Variants in ZNF541 observed in about 807,000 individuals in gnomAD.
The protein encoded by ZNF541 is zinc finger protein 541.
ZNF541 carries 23 observed loss-of-function variants against 123.5 expected under a neutral mutation model. The observed-to-expected ratio is 0.19, with a 90% confidence interval of 0.13 to 0.26. The LOEUF is 0.26. ZNF541 is among the 10% of genes least tolerant of loss of function. The pLI, the probability that ZNF541 is intolerant of heterozygous loss-of-function variation, is 1.00. For synonymous variants in ZNF541, 751 were observed against 754.5 expected, an observed-to-expected ratio of 1.00 and a Z score of 0.08; for missense variants, 1,612 against 1,789.9, an observed-to-expected ratio of 0.90 and a Z score of 1.79.
rs116235447 is a variant in ZNF541 at position 47,531,998 on chromosome 19, G to A, written c.3301+130C>T. On this transcript the variant is annotated intron_variant, in intron 11 of 16. Transcript: ENST00000391901. ...AAGAAGCAACGCTGGCCAAGAGCCA[G>A]CTCCCTCCCACGCCCAGGGGACACT... 953 of 1,280,280 alleles carry A rather than the reference G, an allele frequency of 7.4e-4. 3 individuals are homozygous for A. The African/African-American group carries it at 0.012, about 16-fold the overall frequency. 79.3% of individuals were successfully genotyped at this position (1,280,280 alleles called of 1,614,324 possible).
Position 47,555,964 on chromosome 19 carries a change from A to T in ZNF541, c.-98-10T>A, listed in dbSNP as rs1970805966. The stretch of plus-strand genomic sequence containing the variant: ...TGATGGCAACTAATTCCTGAAAATG[A>T]AGCAAGAAGAATGAAAGTTATTAGG... On this transcript the variant is annotated splice_polypyrimidine_tract_variant and intron_variant, in intron 2 of 16. Transcript: ENST00000391901. 2.6e-6 allele frequency: 3 copies of T among 1,165,992 alleles called. No individual in the cohort carries two copies. Among genetic ancestry groups the T allele is most frequent in the African/African-American group, 3.1e-5 (2 of 64,106 alleles). The allele number at this position is 1,165,992 out of a possible 1,614,324, so 72.2% of individuals were successfully genotyped here.
rs1233862216 is a variant in ZNF541, at chr19:47,544,868, T to C, written c.1661A>G (p.Gln554Arg). 5.2e-6 allele frequency: 8 copies of C among 1,536,180 alleles called. No homozygotes were observed. Among genetic ancestry groups the C allele is most frequent in the Non-Finnish European group, 7.0e-6 (8 of 1,146,784 alleles). Reference protein sequence around the residue: ...KSQEPLVSHEQMQVFQMITKS... With the variant: ...KSQEPLVSHERMQVFQMITKS... ...GGTGATCATCTGGAACACCTGCATC[T>C]GCTCGTGGCTCACAAGAGGTTCCTG... The change falls in exon 5 of 17, where the codon CAG becomes CGG. Residue 554 changes from glutamine (Q) to arginine (R), a missense_variant. By Grantham distance (43) the Gln-to-Arg change is conservative (BLOSUM62 1). This residue lies in a region of ZNF541 where 1,080 missense variants were observed against 1,013.8 expected (regional missense o/e 1.07). Coordinates refer to ENST00000391901, the MANE Select transcript of ZNF541 (RefSeq NM_001277075.3).
chr19:47,552,742 CAAAAAAAA>C (rs573248609), intron 3 of ZNF541, among the ~76,000 whole-genome samples: 1 of 26,112 alleles, frequency 3.8e-5, no homozygotes, highest in Non-Finnish European at 7.4e-5. Context: ...GACTCCATCT[CAAAAAAAA>C]AAAAAAAAAA....
At chr19:47,550,333 GAGAA>G (rs901788553) in intron 3 of ZNF541, among the ~76,000 whole-genome samples, 6 of 146,654 alleles carry the variant, frequency 4.1e-5, no homozygotes, top group East Asian at 2.0e-4. Context: ...AAGAGAGAGA[GAGAA>G]AGAGAAAGAA....
In ZNF541 at chr19:47,538,438, C is replaced by T; in HGVS notation, c.2798G>A (p.Gly933Glu). Residue 933 changes from glycine to glutamate, a missense_variant and splice_region_variant, in exon 9 of 17, where the codon GGA (glycine) becomes GAA (glutamate). By Grantham distance (98) the Gly-to-Glu change is moderately conservative. This residue lies in a region of ZNF541 where 1,080 missense variants were observed against 1,013.8 expected (regional missense o/e 1.07). Transcript: ENST00000391901. ...VTRHIGSMAM[G>E]QEKDGEERDS... ...TCGCTCCTCCCCGTCTTTCTCTTGT[C>T]CCTGAAGAAGTTTAGAACCACAGGT... is the stretch of plus-strand genomic sequence containing the variant. 2 of 1,504,912 alleles carry T rather than the reference C, an allele frequency of 1.3e-6. No individual in the cohort carries two copies. The highest frequency in any genetic ancestry group is 4.9e-5 in the East Asian group (2 of 40,536). The allele number at this position is 1,504,912 out of a possible 1,614,324, so 93.2% of individuals were successfully genotyped here.
At chr19:47,559,775 AG>A (rs1163939066) in intron 2 of ZNF541, among the ~76,000 whole-genome samples, 2 of 149,782 alleles carry the variant, frequency 1.3e-5, no homozygotes, top group Non-Finnish European at 1.5e-5. Context: ...GCTCGAACCC[AG>A]GAAGCGGAGG....
chr19:47,567,282 G>C (rs1165083982), intron 2 of ZNF541, among the ~76,000 whole-genome samples: 12 of 152,034 alleles, frequency 7.9e-5, no homozygotes. Flanking sequence ...TTTAGAGACA[G>C]AGTCTCACTG....
chr19:47,542,348 C>A (rs182418262), intron 5 of ZNF541, among the ~76,000 whole-genome samples: 1 of 152,240 alleles, frequency 6.6e-6, no homozygotes, highest in East Asian at 1.9e-4. Flanking sequence ...AATTACCCAA[C>A]GCTACACTTT....
chr19:47,543,983 C>T, intron 5 of ZNF541, 143 bp downstream of exon 5: 1 of 1,165,722 alleles, frequency 8.6e-7, no homozygotes, highest in Non-Finnish European at 1.2e-6. Context: ...TGGGGAAAAC[C>T]ACAATCTTTC....
rs1970326177 is a variant in ZNF541, at chr19:47,545,766, G to A, written c.763C>T (p.Arg255Trp). Residue 255 changes from arginine to tryptophan, a missense_variant, in exon 5 of 17, where the codon CGG (arginine) becomes TGG (tryptophan). Around this residue, in one of 5 missense-constraint regions of ZNF541, gnomAD observed 1,080 missense variants for 1,013.8 expected, o/e 1.07. Coordinates refer to ENST00000391901, the MANE Select transcript of ZNF541 (RefSeq NM_001277075.3). The surrounding 1 kb of genome is among the most constrained non-coding windows in gnomAD (Gnocchi z 7.5). The part of the protein sequence containing the change: ...SAGQPPPSSL[R>W]SLVPPEARSP... ...CTGGCCTCTGGGGGCACCAGGGACC[G>A]CAGGCTGCTGGGGGGCGGCTGGCCG... 1 of 1,541,210 alleles carries A rather than the reference G, an allele frequency of 6.5e-7. No individual in the cohort carries two copies. The highest frequency in any genetic ancestry group is 8.7e-7 in the Non-Finnish European group (1 of 1,144,280).
At chr19:47,570,348 C>G (rs1971431049) in intron 2 of ZNF541, among the ~76,000 whole-genome samples, 1 of 151,376 alleles carries the variant, frequency 6.6e-6, no homozygotes, top group African/African-American at 2.4e-5. Context: ...GAGGCTGACG[C>G]AGGCAGATCA....
intron 5 of ZNF541, 73 bp from the exon 6 acceptor site, chr19:47,541,024 T>C (rs2974240): frequency 0.1 from 141,449 of 1,412,338 alleles, 19,815 homozygotes; most frequent in African/African-American, 0.67. Context: ...TACAGACTTT[T>C]AGAAGAAAAC....
intron 4 of ZNF541, among the ~76,000 whole-genome samples, chr19:47,547,270 C>A (rs1197904907): frequency 6.6e-6 from 1 of 152,042 alleles, no homozygotes; most frequent in Non-Finnish European, 1.5e-5. Flanking sequence ...CCCCCCACAG[C>A]AAAGAAGCCA....
At chr19:47,535,113 C>T (rs1056948002) in intron 9 of ZNF541, among the ~76,000 whole-genome samples, 1 of 152,112 alleles carries the variant, frequency 6.6e-6, no homozygotes, top group Non-Finnish European at 1.5e-5. Flanking sequence ...CCACCACACC[C>T]GGCTAATTCT....
intron 4 of ZNF541, among the ~76,000 whole-genome samples, chr19:47,548,706 G>A (rs1269962604): frequency 6.6e-6 from 1 of 152,154 alleles, no homozygotes; most frequent in African/African-American, 2.4e-5. Context: ...ACAGAAGCAG[G>A]GGCTTCCTCA....
At chr19:47,555,080 AAAG>A (rs1970759828) in intron 3 of ZNF541, among the ~76,000 whole-genome samples, 1 of 149,770 alleles carries the variant, frequency 6.7e-6, no homozygotes, top group Non-Finnish European at 1.5e-5. Context: ...AAAAAAAAAA[AAAG>A]AATTGGCCGG....
chr19:47,563,857 C>T (rs774406721), intron 2 of ZNF541, among the ~76,000 whole-genome samples: 2 of 152,066 alleles, frequency 1.3e-5, no homozygotes, highest in African/African-American at 2.4e-5. Context: ...CCACCCGCCT[C>T]GGCCTCCCAA....
intron 1 of ZNF541, among the ~76,000 whole-genome samples, chr19:47,572,364 C>T (rs1447413835): frequency 6.6e-6 from 1 of 151,570 alleles, no homozygotes; most frequent in African/African-American, 2.4e-5. Flanking sequence ...AAATATTAGA[C>T]GAGAGAGAAA....
Position 47,544,195 on chromosome 19 carries a change from G to A in ZNF541, c.2334C>T (p.Ala778=), listed in dbSNP as rs550500465. Residue 778 remains alanine, a synonymous_variant, in exon 5 of 17, where the codon GCC becomes GCT. Coordinates refer to ENST00000391901, the MANE Select transcript of ZNF541 (RefSeq NM_001277075.3). ...CCGGGGGCCCGGCCGATGAGAAGGA[G>A]GCCATGGCTACCTGGCTCGGAGAAG... is the stretch of plus-strand genomic sequence containing the variant. ...CAASPSQVAM[A]SFSSAGPPAD... 8.4e-6 allele frequency: 13 copies of A among 1,551,438 alleles called. No individual in the cohort carries two copies. In the Middle Eastern group the frequency reaches 1.0e-3, roughly 119 times the overall value.
Sources: gnomAD v4.1 joint callset for allele counts (sites outside exome capture counted in the v4.1 genomes callset) on GRCh38, gnomAD v4.1.1 for gene constraint, gnomAD v4.1.1 regional missense constraint, Gnocchi (gnomAD v3.1) non-coding constraint, MANE v1.5 for transcripts, NCBI Gene and HGNC (gene_info 2026-07-23, HGNC 2026-07-21) for gene names.